The following TXNDC9 variants were observed in gnomAD, a reference collection of about 807,000 sequenced individuals.
The protein encoded by TXNDC9 is thioredoxin domain containing 9.
A neutral mutation model predicts 23.0 loss-of-function variants in TXNDC9; 7 were observed. That is an observed-to-expected ratio of 0.30 (90% CI 0.17 to 0.57). The LOEUF (loss-of-function observed/expected upper bound fraction) is 0.57, where lower values mean the gene tolerates loss of function less well. Among genes scored for constraint, TXNDC9 ranks in the 20% least tolerant of loss-of-function variants. The pLI is 0.90. For missense variants in TXNDC9, 198 were observed against 252.6 expected, an observed-to-expected ratio of 0.78 and a Z score of 1.47; for synonymous variants, 72 against 90.6, an observed-to-expected ratio of 0.79 and a Z score of 1.17.
Position 99,336,325 on chromosome 2 carries a change from G to T in TXNDC9, c.-119C>A, listed in dbSNP as rs549934237. On this transcript the variant is annotated 5_prime_UTR_variant, in exon 1 of 5. Coordinates refer to ENST00000264255, the MANE Select transcript of TXNDC9 (RefSeq NM_005783.4). The stretch of plus-strand genomic sequence containing the variant: ...CGGCTTTTGCCTTGCAGTAGCTGCC[G>T]GCGGCTGCAAACGGGCCGTCACATC... 8.1e-6 allele frequency: 8 copies of T among 985,486 alleles called. No individual in the cohort carries two copies. In the African/African-American group the frequency reaches 1.2e-4, roughly 15 times the overall value. 61.0% of individuals were successfully genotyped at this position (985,486 alleles called of 1,614,324 possible).
At chr2:99,328,350 C>G (rs955741778) in intron 2 of TXNDC9, among the ~76,000 whole-genome samples, 1 of 151,768 alleles carries the variant, frequency 6.6e-6, no homozygotes, top group Non-Finnish European at 1.5e-5. Context: ...AATCCTCCCA[C>G]CTTGTCCTCC....
chr2:99,321,071 C>T (rs2094200557), intron 4 of TXNDC9: 1 of 151,840 alleles, frequency 6.6e-6, no homozygotes, highest in Non-Finnish European at 1.5e-5. Context: ...CTTAAAATTA[C>T]TTCAAAATAT....
chr2:99,322,368 C>T, intron 3 of TXNDC9, 159 bp from the exon 4 acceptor site: 2 of 1,231,968 alleles, frequency 1.6e-6, no homozygotes, highest in Non-Finnish European at 2.2e-6. Context: ...ACTTCCAGAT[C>T]AGAGGTTAGC....
chr2:99,335,420 G>A (rs1375169879), intron 1 of TXNDC9, among the ~76,000 whole-genome samples: 4 of 152,174 alleles, frequency 2.6e-5, no homozygotes, highest in African/African-American at 9.7e-5. Flanking sequence ...TGTATTTAAC[G>A]TTGAATGAAC....
At chr2:99,307,182 G>A in the TXNDC9 span, among the ~76,000 whole-genome samples, 506 of 146,538 alleles carry the variant, frequency 3.5e-3, 1 homozygote, top group Non-Finnish European at 6.2e-3. Context: ...AAAATGATGT[G>A]AATAAAGACA....
chr2:99,319,802 T>TA lies in TXNDC9; in HGVS notation c.564-4dup, dbSNP rs751602309. On this transcript the variant is annotated splice_region_variant and splice_polypyrimidine_tract_variant and intron_variant, in intron 4 of 4. Transcript: ENST00000264255. Reference sequence around the variant, plus strand: ...ATGGTGGCTCCATTAAATTTCCACTTAAAAAAAAAAAAAAGCATTTTATTC... The same window carrying TA: ...ATGGTGGCTCCATTAAATTTCCACTTAAAAAAAAAAAAAAAGCATTTTATTC... 0.039 allele frequency: 50,878 copies of TA among 1,291,558 alleles called. 10 individuals are homozygous for TA. The highest frequency in any genetic ancestry group is 0.044 in the Non-Finnish European group (41,677 of 942,178). 80.0% of individuals were successfully genotyped at this position (1,291,558 alleles called of 1,614,324 possible).
chr2:99,333,857 T>C (rs1466590984), intron 1 of TXNDC9, among the ~76,000 whole-genome samples: 3 of 152,170 alleles, frequency 2.0e-5, no homozygotes, highest in East Asian at 3.8e-4. Flanking sequence ...AACAAAAAAG[T>C]CTATGAGGTC....
downstream of TXNDC9, among the ~76,000 whole-genome samples, chr2:99,314,497 A>G: frequency 6.9e-6 from 1 of 145,858 alleles, no homozygotes; most frequent in Non-Finnish European, 1.5e-5. Context: ...TGTACAGGAG[A>G]ATATGTGGCA....
In TXNDC9 at chr2:99,333,143, T is replaced by C; in HGVS notation, c.68A>G (p.Lys23Arg). The change falls in exon 2 of 5, where the codon AAA (lysine) becomes AGA (arginine). Residue 23 changes from lysine to arginine, a missense_variant. Transcript: ENST00000264255. ...VLEHQLLQTT[K>R]LVEEHLDSEI... is the part of the protein sequence containing the mutation. ...AGAATCCAAATGTTCTTCCACCAGTTTGGTAGTCTGAAGCAGCTGATGCTC... is the reference window on the plus strand; with the variant it reads ...AGAATCCAAATGTTCTTCCACCAGTCTGGTAGTCTGAAGCAGCTGATGCTC... 1 of 1,614,172 alleles carries C rather than the reference T, an allele frequency of 6.2e-7. No homozygotes were observed. Among genetic ancestry groups the C allele is most frequent in the East Asian group, 2.2e-5 (1 of 44,880 alleles).
intron 2 of TXNDC9, among the ~76,000 whole-genome samples, chr2:99,328,945 C>T (rs1387926874): frequency 1.3e-5 from 2 of 152,082 alleles, no homozygotes; most frequent in South Asian, 2.1e-4. Context: ...GCTGAGATCA[C>T]GCCACTGCCT....
intron 2 of TXNDC9, among the ~76,000 whole-genome samples, chr2:99,328,937 T>C (rs2094218993): frequency 6.6e-6 from 1 of 152,024 alleles, no homozygotes; most frequent in Non-Finnish European, 1.5e-5. Flanking sequence ...TGCAGTGAGC[T>C]GAGATCACGC....
intron 3 of TXNDC9, among the ~76,000 whole-genome samples, chr2:99,323,043 G>T (rs2094205978): frequency 1.3e-5 from 2 of 152,162 alleles, no homozygotes; most frequent in South Asian, 2.1e-4. Context: ...TTACAAGCGT[G>T]AGCCACTGCA....
intron 2 of TXNDC9, among the ~76,000 whole-genome samples, chr2:99,328,245 G>A (rs2094217371): frequency 7.0e-6 from 1 of 143,854 alleles, no homozygotes. Flanking sequence ...ACTGGCGCAT[G>A]CCACACCACG....
intron 3 of TXNDC9, among the ~76,000 whole-genome samples, chr2:99,324,032 G>A (rs906763912): frequency 3.3e-5 from 5 of 151,984 alleles, no homozygotes; most frequent in Non-Finnish European, 7.4e-5. Context: ...TTTTAGTAGC[G>A]ATGGGGTTTC....
chr2:99,313,508 C>A, the TXNDC9 span, among the ~76,000 whole-genome samples: 1 of 152,130 alleles, frequency 6.6e-6, no homozygotes, highest in South Asian at 2.1e-4. Context: ...TGCAGTGGTA[C>A]ATGCCTGTAG....
chr2:99,321,963 A>C lies in TXNDC9; in HGVS notation c.555T>G (p.Leu185=). The change falls in exon 4 of 5, where the codon CTT becomes CTG. Residue 185 remains leucine (L), a synonymous_variant. Transcript: ENST00000264255. ...LEWRLGSSDI[L]NYSGNLMEPP... ...CTTTTGTTAAAAGTTACCTGTAATTAAGAATGTCAGAAGAACCGAGCCTCC... is the reference window on the plus strand; with the variant it reads ...CTTTTGTTAAAAGTTACCTGTAATTCAGAATGTCAGAAGAACCGAGCCTCC... 2.5e-6 allele frequency: 4 copies of C among 1,606,200 alleles called. No homozygotes were observed. Among genetic ancestry groups the C allele is most frequent in the Non-Finnish European group, 3.4e-6 (4 of 1,176,420 alleles).
In TXNDC9 at chr2:99,327,530, G is replaced by T; in HGVS notation, c.308+5C>A. On this transcript the variant is annotated splice_donor_5th_base_variant and intron_variant, in intron 3 of 4. Transcript: ENST00000264255. ...AGAAAAAGTCACAGATGGAAACAAA[G>T]TTACCTGAATGTGGAGTCTCTGTAG... is the stretch of plus-strand genomic sequence containing the variant. 6.3e-7 allele frequency: 1 copy of T among 1,593,226 alleles called. No homozygotes were observed. Among genetic ancestry groups the T allele is most frequent in the Non-Finnish European group, 8.6e-7 (1 of 1,162,842 alleles).
chr2:99,322,906 C>T (rs1161683896), intron 3 of TXNDC9, among the ~76,000 whole-genome samples: 6 of 152,072 alleles, frequency 3.9e-5, no homozygotes, highest in Non-Finnish European at 8.8e-5. Flanking sequence ...GGACTACAGG[C>T]GCCTGCCACC....
At chr2:99,306,238 TG>T in the TXNDC9 span, among the ~76,000 whole-genome samples, 68,145 of 151,944 alleles carry the variant, frequency 0.45, 15,601 homozygotes, top group Admixed American at 0.58. Context: ...ACCAGAGAAT[TG>T]AATCCAGCCA....
Sources: allele counts gnomAD v4.1 joint callset (sites outside exome capture counted in the v4.1 genomes callset), GRCh38; gene constraint gnomAD v4.1.1; transcripts MANE v1.5; gene names NCBI Gene and HGNC (gene_info 2026-07-23, HGNC 2026-07-21).